The following DZANK1 variants were observed in gnomAD, a reference collection of about 807,000 sequenced individuals.
DZANK1 encodes the protein double zinc ribbon and ankyrin repeat-containing protein 1.
A neutral mutation model predicts 94.5 loss-of-function variants in DZANK1; 91 were observed. The observed-to-expected ratio is 0.96, with a 90% CI of 0.81 to 1.15. The LOEUF (loss-of-function observed/expected upper bound fraction) is 1.15, where lower values mean the gene tolerates loss of function less well. DZANK1 is among the 50% of genes most tolerant of loss of function. DZANK1 has a pLI of 0.00. For missense variants in DZANK1, 903 were observed against 916.4 expected (o/e 0.99, Z 0.19); for synonymous variants, 312 against 325.3 (o/e 0.96, Z 0.44).
In DZANK1 at chr20:18,435,589, C is replaced by T. The variant is rs143836165; in HGVS notation, c.748-1824G>A. Among the ~76,000 whole-genome samples, 1,200 of 152,038 alleles carry T rather than the reference C, an allele frequency of 7.9e-3. 15 individuals are homozygous for T. The highest frequency in any genetic ancestry group is 0.027 in the African/African-American group (1,118 of 41,464). On this transcript the variant is annotated intron_variant, in intron 8 of 20. Transcript: ENST00000262547. ...GGAGAGGAACATCACACACCGGGGT[C>T]TGTCGGGGGTGGGGGGCAAGAGGAG...
At chr20:18,418,054 C>T (rs150932636) in intron 10 of DZANK1, among the ~76,000 whole-genome samples, 3,845 of 152,074 alleles carry the variant, frequency 0.025, 159 homozygotes, top group African/African-American at 0.088. Context: ...CCACTGTACT[C>T]CAGCCTGGGC....
intron 10 of DZANK1, among the ~76,000 whole-genome samples, chr20:18,419,702 T>G (rs75894616): frequency 9.2e-5 from 14 of 152,212 alleles, no homozygotes; most frequent in African/African-American, 3.4e-4. Flanking sequence ...TCTTTGAGAA[T>G]GAAGTTGAAA....
intron 10 of DZANK1, among the ~76,000 whole-genome samples, chr20:18,415,713 T>C (rs2057460201): frequency 6.6e-6 from 1 of 152,164 alleles, no homozygotes; most frequent in African/African-American, 2.4e-5. Flanking sequence ...TTAATATTTT[T>C]CAATATCTTT....
intron 9 of DZANK1, among the ~76,000 whole-genome samples, chr20:18,430,212 T>G (rs571683778): frequency 6.6e-6 from 1 of 152,288 alleles, no homozygotes; most frequent in East Asian, 1.9e-4. Context: ...CAAAACTGAC[T>G]AAGATAAAGT....
chr20:18,413,407 A>G (rs2057348353), intron 12 of DZANK1, among the ~76,000 whole-genome samples: 1 of 152,218 alleles, frequency 6.6e-6, no homozygotes, highest in African/African-American at 2.4e-5. Context: ...TGTCTTGAGA[A>G]AAGAACACCT....
chr20:18,424,094 A>G (rs888627427), intron 10 of DZANK1, among the ~76,000 whole-genome samples: 1 of 152,244 alleles, frequency 6.6e-6, no homozygotes, highest in Non-Finnish European at 1.5e-5. Context: ...ATCAGGCATG[A>G]AAGAGGGGAA....
intron 17 of DZANK1, among the ~76,000 whole-genome samples, chr20:18,392,763 A>C (rs2056087366): frequency 6.6e-6 from 1 of 151,878 alleles, no homozygotes; most frequent in Non-Finnish European, 1.5e-5. Flanking sequence ...AAGAAGACTG[A>C]AAGTAGATGA....
At chr20:18,424,737 T>G (rs1323816502) in intron 10 of DZANK1, among the ~76,000 whole-genome samples, 1 of 152,086 alleles carries the variant, frequency 6.6e-6, no homozygotes, top group Non-Finnish European at 1.5e-5. Flanking sequence ...AAATGAAAAC[T>G]ATGCCCACAC....
intron 15 of DZANK1, 168 bp from the exon 16 acceptor site, chr20:18,394,518 G>T: frequency 1.4e-6 from 1 of 735,822 alleles, no homozygotes; most frequent in Non-Finnish European, 2.4e-6. Context: ...CACCTCCCCA[G>T]CATGCTTTGT....
intron 13 of DZANK1, among the ~76,000 whole-genome samples, chr20:18,406,896 G>A (rs981479568): frequency 2.6e-5 from 4 of 152,206 alleles, no homozygotes; most frequent in Admixed American, 2.6e-4. Context: ...AGCAAACATT[G>A]GCAGTGGCCT....
At chr20:18,411,142 T>A (rs2057237291) in intron 13 of DZANK1, among the ~76,000 whole-genome samples, 1 of 151,724 alleles carries the variant, frequency 6.6e-6, no homozygotes, top group Non-Finnish European at 1.5e-5. Context: ...AAGAAGGAAA[T>A]CATGATGAGA....
intron 6 of DZANK1, among the ~76,000 whole-genome samples, chr20:18,452,209 A>G (rs1818805929): frequency 6.6e-6 from 1 of 152,094 alleles, no homozygotes; most frequent in African/African-American, 2.4e-5. Context: ...CCACAGCTCT[A>G]GATACTCTGG....
At chr20:18,451,071 G>A (rs1367627974) in intron 6 of DZANK1, among the ~76,000 whole-genome samples, 2 of 151,914 alleles carry the variant, frequency 1.3e-5, no homozygotes, top group African/African-American at 2.4e-5. Context: ...TCAGCCTCCC[G>A]AGTAGCTGGG....
chr20:18,422,505 T>C (rs2057829758), intron 10 of DZANK1, among the ~76,000 whole-genome samples: 3 of 152,248 alleles, frequency 2.0e-5, no homozygotes, highest in Non-Finnish European at 2.9e-5. Context: ...AACTGACCTA[T>C]GTGATGGGTC....
intron 2 of DZANK1, among the ~76,000 whole-genome samples, chr20:18,464,487 C>G (rs940582827): frequency 6.6e-6 from 1 of 152,126 alleles, no homozygotes; most frequent in Non-Finnish European, 1.5e-5. Context: ...ATTATTATTC[C>G]TGTCTTACAG....
intron 2 of DZANK1, among the ~76,000 whole-genome samples, chr20:18,464,030 T>C (rs1204240029): frequency 6.6e-6 from 1 of 152,120 alleles, no homozygotes; most frequent in Non-Finnish European, 1.5e-5. Flanking sequence ...TTTTGAAGAA[T>C]ACGTATTAGC....
intron 10 of DZANK1, among the ~76,000 whole-genome samples, chr20:18,424,244 G>C (rs913736361): frequency 6.6e-6 from 1 of 152,132 alleles, no homozygotes; most frequent in African/African-American, 2.4e-5. Flanking sequence ...GAGGTCAGTT[G>C]TTCAAAACCA....
At position 18,463,563 on chromosome 20, in the gene DZANK1, C is replaced by A. The variant is rs987903903; in HGVS notation, c.109+1687G>T. On this transcript the variant is annotated intron_variant, in intron 2 of 20. Transcript: ENST00000262547. The stretch of plus-strand genomic sequence containing the variant: ...CCCATTTTTCTTCTGGGTTACTGTT[C>A]TTTTTGTTACTGAATTGTGAAAACT... Among the ~76,000 whole-genome samples, 3 of 152,222 alleles carry A rather than the reference C, an allele frequency of 2.0e-5. No individual in the cohort carries two copies. The East Asian group carries it at 5.8e-4, about 29-fold the overall frequency.
intron 10 of DZANK1, among the ~76,000 whole-genome samples, chr20:18,415,952 T>A (rs2057471167): frequency 6.6e-6 from 1 of 152,216 alleles, no homozygotes; most frequent in Non-Finnish European, 1.5e-5. Flanking sequence ...TGGGACTATG[T>A]TAGGTAAACC....
Sources: gnomAD v4.1 joint callset for allele counts (sites outside exome capture counted in the v4.1 genomes callset) on GRCh38, gnomAD v4.1.1 for gene constraint, MANE v1.5 for transcripts, NCBI Gene and HGNC (gene_info 2026-07-23, HGNC 2026-07-21) for gene names.